EYA2: variants seen among roughly 807,000 people sequenced by gnomAD.
The protein encoded by EYA2 is EYA transcriptional coactivator and phosphatase 2, also known as protein phosphatase EYA2.
A neutral mutation model predicts 69.2 loss-of-function variants in EYA2; 31 were observed. The ratio of observed to expected loss-of-function variants is 0.45; its 90% CI spans 0.34 to 0.60. The LOEUF is 0.60. Ranked by LOEUF, EYA2 falls within the 20% of genes least tolerant of loss-of-function variation. The pLI is 0.02. For synonymous variants in EYA2, 257 were observed against 279.4 expected, an observed-to-expected ratio of 0.92 and a Z score of 0.80; for missense variants, 622 against 701.2, an observed-to-expected ratio of 0.89 and a Z score of 1.28.
chr20:47,179,962 A>C (rs766088934), intron 13 of EYA2, 50 bp downstream of exon 13: 1 of 1,356,794 alleles, frequency 7.4e-7, no homozygotes, highest in Non-Finnish European at 1.1e-6. Context: ...TTCTCGCAGT[A>C]GACAGTGGTG....
intron 7 of EYA2, among the ~76,000 whole-genome samples, chr20:47,081,821 GAA>G (rs1472982289): frequency 6.7e-6 from 1 of 149,638 alleles, no homozygotes; most frequent in African/African-American, 2.5e-5. Context: ...GAGAGAGAGA[GAA>G]AGAAAAAATG....
At chr20:47,050,894 G>A (rs1384377484) in intron 5 of EYA2, among the ~76,000 whole-genome samples, 5 of 152,250 alleles carry the variant, frequency 3.3e-5, no homozygotes, top group East Asian at 3.8e-4. Flanking sequence ...AGCGTTTTAC[G>A]AGGCTCCTTG....
At chr20:46,904,864 C>T (rs62201192) in intron 1 of EYA2, among the ~76,000 whole-genome samples, 17,859 of 152,122 alleles carry the variant, frequency 0.12, 1,296 homozygotes, top group Non-Finnish European at 0.17. Flanking sequence ...ATGGGGAGCC[C>T]AAATTCCTAG....
chr20:47,108,323 A>G (rs895210726), intron 9 of EYA2, among the ~76,000 whole-genome samples: 2 of 151,236 alleles, frequency 1.3e-5, no homozygotes, highest in African/African-American at 4.9e-5. Context: ...AGCTCCCTCC[A>G]CTCTCTCTCT....
intron 1 of EYA2, among the ~76,000 whole-genome samples, chr20:46,969,472 C>T (rs1036638863): frequency 6.6e-6 from 1 of 152,206 alleles, no homozygotes; most frequent in Non-Finnish European, 1.5e-5. Flanking sequence ...CTTTGATTAG[C>T]TATATAACTT....
intron 1 of EYA2, among the ~76,000 whole-genome samples, chr20:46,946,505 A>G (rs930116258): frequency 1.3e-5 from 2 of 152,052 alleles, no homozygotes; most frequent in Non-Finnish European, 2.9e-5. Flanking sequence ...TCTGGACATG[A>G]CCCTGGGTCC....
chr20:46,907,574 C>T (rs981795218), intron 1 of EYA2, among the ~76,000 whole-genome samples: 2 of 152,232 alleles, frequency 1.3e-5, no homozygotes, highest in East Asian at 1.9e-4. Context: ...CGCAGTGGCT[C>T]ACACCCGTAA....
At chr20:47,078,029 C>A (rs2031577901) in intron 7 of EYA2, among the ~76,000 whole-genome samples, 1 of 152,178 alleles carries the variant, frequency 6.6e-6, no homozygotes, top group Non-Finnish European at 1.5e-5. Context: ...AAACTTACCT[C>A]CCCAGAATTT....
intron 4 of EYA2, among the ~76,000 whole-genome samples, chr20:47,007,519 T>C (rs905228499): frequency 2.0e-5 from 3 of 152,104 alleles, no homozygotes; most frequent in Admixed American, 6.6e-5. Context: ...CAGGAAAGAT[T>C]TGGGGTTCTG....
chr20:46,971,943 A>G (rs999946242), intron 1 of EYA2, among the ~76,000 whole-genome samples: 4 of 152,232 alleles, frequency 2.6e-5, no homozygotes, highest in Admixed American at 2.6e-4. Context: ...CAAGACAGAC[A>G]AAGCCCCCAG....
At chr20:47,157,496 G>A (rs956263935) in intron 10 of EYA2, among the ~76,000 whole-genome samples, 9 of 151,654 alleles carry the variant, frequency 5.9e-5, no homozygotes, top group East Asian at 2.0e-4. Flanking sequence ...TGGAAAGACC[G>A]TTAAAATAGA....
rs537091606 is a variant in EYA2, at chr20:47,136,319, T to C, written c.889-6740T>C. Reference sequence around the variant, plus strand: ...GAAACTCATTCATGTTTGCTTTACATCAGATTAATTTTATTTTAAGAAAGA... The same window carrying C: ...GAAACTCATTCATGTTTGCTTTACACCAGATTAATTTTATTTTAAGAAAGA... On this transcript the variant is annotated intron_variant, in intron 9 of 15. Coordinates refer to ENST00000327619, the MANE Select transcript of EYA2 (RefSeq NM_005244.5). Among the ~76,000 whole-genome samples the C allele has an allele frequency of 9.2e-5, 14 of 152,340 alleles. No individual in the cohort carries two copies. The South Asian group carries it at 2.9e-3, about 32-fold the overall frequency.
chr20:47,018,979 G>A (rs533190726), intron 5 of EYA2, among the ~76,000 whole-genome samples: 15 of 152,238 alleles, frequency 9.9e-5, no homozygotes, highest in African/African-American at 2.6e-4. Context: ...CAGTAGCCCC[G>A]TGACATGAGC....
At chr20:46,897,512 A>G (rs1482788276) in intron 1 of EYA2, among the ~76,000 whole-genome samples, 2 of 152,196 alleles carry the variant, frequency 1.3e-5, no homozygotes, top group East Asian at 1.9e-4. Context: ...CAGAAATCCA[A>G]CCGTAACCAG....
chr20:46,972,234 T>C (rs1380807597), intron 1 of EYA2, among the ~76,000 whole-genome samples: 1 of 152,224 alleles, frequency 6.6e-6, no homozygotes, highest in Non-Finnish European at 1.5e-5. Context: ...ATAATGTCCC[T>C]GCAGGAGAAG....
intron 1 of EYA2, among the ~76,000 whole-genome samples, chr20:46,919,851 G>A (rs961269454): frequency 2.6e-5 from 4 of 152,176 alleles, no homozygotes; most frequent in Non-Finnish European, 5.9e-5. Context: ...TTGATTTAAA[G>A]TGAAAGCCAT....
intron 1 of EYA2, among the ~76,000 whole-genome samples, chr20:46,936,421 A>G (rs975356760): frequency 1.3e-5 from 2 of 152,220 alleles, no homozygotes; most frequent in Non-Finnish European, 2.9e-5. Flanking sequence ...CAGTGGGCCA[A>G]CATCACGCCA....
chr20:46,916,936 AC>A (rs1201182001), intron 1 of EYA2, among the ~76,000 whole-genome samples: 1 of 152,162 alleles, frequency 6.6e-6, no homozygotes, highest in Non-Finnish European at 1.5e-5. Flanking sequence ...TAGAGAGATA[AC>A]CTATAAAATA....
intron 12 of EYA2, among the ~76,000 whole-genome samples, chr20:47,178,677 C>T (rs1216046857): frequency 6.6e-6 from 1 of 151,834 alleles, no homozygotes; most frequent in African/African-American, 2.4e-5. Context: ...CATTTTTGTT[C>T]ATATCTGTGC....
Sources: allele counts gnomAD v4.1 joint callset (sites outside exome capture counted in the v4.1 genomes callset), GRCh38; gene constraint gnomAD v4.1.1; transcripts MANE v1.5; gene names NCBI Gene and HGNC (gene_info 2026-07-23, HGNC 2026-07-21).